Variants in AGO2 observed in about 807,000 individuals in gnomAD.
The protein encoded by AGO2 is argonaute RISC catalytic component 2, also known as protein argonaute-2.
Under a neutral mutation model 102.3 loss-of-function variants are expected in AGO2, and 5 were observed. That is an observed-to-expected ratio of 0.05 (90% CI 0.03 to 0.10). AGO2 has a LOEUF of 0.10. AGO2 is among the 10% of genes least tolerant of loss of function. The pLI is 1.00. For synonymous variants in AGO2, 449 were observed against 473.1 expected (o/e 0.95, Z 0.66); for missense variants, 541 against 1,183.7 (o/e 0.46, Z 7.97).
In AGO2 at chr8:140,589,329, C is replaced by T. The variant is rs999636008; in HGVS notation, c.23-4018G>A. Among the ~76,000 whole-genome samples, 15 of 152,158 alleles carry T rather than the reference C, an allele frequency of 9.9e-5. No homozygotes were observed. The highest frequency in any genetic ancestry group is 1.8e-4 in the Non-Finnish European group (12 of 68,032). ...AAATAAATGAATAGCCCAGCTCTTC[C>T]GTGAAGCCGCTTTGGCTACCGGCGG... is the stretch of plus-strand genomic sequence containing the variant. On this transcript the variant is annotated intron_variant, in intron 1 of 18. Coordinates refer to ENST00000220592, the MANE Select transcript of AGO2 (RefSeq NM_012154.5). The surrounding 1 kb of genome is among the most constrained non-coding windows in gnomAD (Gnocchi z 4.2).
At chr8:140,561,757 CTGGGGTTTGTCACTG>C (rs1346935765) in intron 4 of AGO2, among the ~76,000 whole-genome samples, 5 of 152,218 alleles carry the variant, frequency 3.3e-5, no homozygotes, top group African/African-American at 1.2e-4. Flanking sequence ...TTGGTCAGTC[CTGGGGTTTGTCACTG>C]TGGGGTTTGT....
At chr8:140,556,083 G>C (rs948755209) in intron 9 of AGO2, 65 bp from the exon 10 acceptor site, 2 of 1,610,966 alleles carry the variant, frequency 1.2e-6, no homozygotes, top group Non-Finnish European at 1.7e-6. Context: ...TAGCAGCTGC[G>C]TCCGTTCCAA....
chr8:140,556,037 A>C lies in AGO2; in HGVS notation c.1147-19T>G. ...TTCGCATCTGGCAAAGGGAAACAAG[A>C]AAACGCACGGAGTGGGTGGAGGCCT... On this transcript the variant is annotated intron_variant, in intron 9 of 18. Transcript: ENST00000220592. 2 of 1,613,950 alleles carry C rather than the reference A, an allele frequency of 1.2e-6. No homozygotes were observed. The highest frequency in any genetic ancestry group is 1.7e-6 in the Non-Finnish European group (2 of 1,179,832).
intron 14 of AGO2, among the ~76,000 whole-genome samples, chr8:140,543,134 C>CAA (rs200189809): frequency 2.0e-5 from 3 of 147,180 alleles, no homozygotes; most frequent in African/African-American, 7.5e-5. Context: ...CTCTGTCTCA[C>CAA]AAAACAAAAC....
intron 1 of AGO2, among the ~76,000 whole-genome samples, chr8:140,609,972 T>C (rs373075781): frequency 1.4e-5 from 2 of 146,482 alleles, no homozygotes; most frequent in African/African-American, 5.1e-5. Context: ...GGCAGGATGA[T>C]GGTTTGAGCC....
chr8:140,559,756 C>G (rs113012612), intron 5 of AGO2, among the ~76,000 whole-genome samples: 1 of 152,220 alleles, frequency 6.6e-6, no homozygotes, highest in African/African-American at 2.4e-5. Flanking sequence ...CAGAAAGGAG[C>G]TGGCTGATTA....
chr8:140,612,368 C>T (rs1046820468), intron 1 of AGO2, among the ~76,000 whole-genome samples: 7 of 151,850 alleles, frequency 4.6e-5, no homozygotes, highest in African/African-American at 1.7e-4. Flanking sequence ...TAGTGTGTTC[C>T]AAATGCCTGG....
chr8:140,576,517 G>A (rs971758252), intron 2 of AGO2, among the ~76,000 whole-genome samples: 1 of 152,276 alleles, frequency 6.6e-6, no homozygotes, highest in African/African-American at 2.4e-5. Flanking sequence ...CAAATGGCGG[G>A]TAAGCACATC....
chr8:140,556,049 G>A (rs1451981580), intron 9 of AGO2, 31 bp from the exon 10 acceptor site: 1 of 1,613,036 alleles, frequency 6.2e-7, no homozygotes, highest in Non-Finnish European at 8.5e-7. Flanking sequence ...AACGCACGGA[G>A]TGGGTGGAGG....
In AGO2 at chr8:140,631,840, C is replaced by T. The variant is rs374259869; in HGVS notation, c.22+3645G>A. 4.6e-5 allele frequency among the ~76,000 whole-genome samples: 7 copies of T among 152,154 alleles called. No homozygotes were observed. The South Asian group carries it at 1.4e-3, about 31-fold the overall frequency. Reference sequence around the variant, plus strand: ...CAGGTCTGCAATTCACTTTGGAAAACGTCCACAAAGAAAAGGGGCATATTT... The same window carrying T: ...CAGGTCTGCAATTCACTTTGGAAAATGTCCACAAAGAAAAGGGGCATATTT... On this transcript the variant is annotated intron_variant, in intron 1 of 18. Coordinates refer to ENST00000220592, the MANE Select transcript of AGO2 (RefSeq NM_012154.5).
In AGO2 at chr8:140,532,422, T is replaced by G. The variant is rs1484704955; in HGVS notation, c.2465A>C (p.His822Pro). Residue 822 changes from histidine (H) to proline (P), a missense_variant, in exon 18 of 19, where the codon CAT (histidine) becomes CCT (proline). Physicochemically the swap from His to Pro is moderately conservative, Grantham distance 77. Coordinates refer to ENST00000220592, the MANE Select transcript of AGO2 (RefSeq NM_012154.5). ...AGCCAGGCATGCCACTCACCTGTCA[T>G]GTTCCTTATCCACCAGGTGGTACCT... is the stretch of plus-strand genomic sequence containing the variant. ...RARYHLVDKE[H>P]DSAEGSHTSG... is the part of the protein sequence containing the mutation. 1.2e-6 allele frequency: 2 copies of G among 1,613,170 alleles called. No individual in the cohort carries two copies. Among genetic ancestry groups the G allele is most frequent in the Non-Finnish European group, 8.5e-7 (1 of 1,179,744 alleles).
At position 140,629,485 on chromosome 8, in the gene AGO2, C is replaced by T. The variant is rs577932877; in HGVS notation, c.22+6000G>A. 2.0e-5 allele frequency among the ~76,000 whole-genome samples: 3 copies of T among 152,250 alleles called. No individual in the cohort carries two copies. The South Asian group carries it at 6.2e-4, about 32-fold the overall frequency. On this transcript the variant is annotated intron_variant, in intron 1 of 18. Coordinates refer to ENST00000220592, the MANE Select transcript of AGO2 (RefSeq NM_012154.5). ...AAAACTGAGACCACACGAGGAGATG[C>T]GGACGGGGCTGCAGTTCTGACCAGA...
intron 1 of AGO2, among the ~76,000 whole-genome samples, chr8:140,627,574 G>GT (rs2074293130): frequency 6.6e-6 from 1 of 152,188 alleles, no homozygotes; most frequent in Non-Finnish European, 1.5e-5. Flanking sequence ...GTCAATTACA[G>GT]TAAGAGATTC....
upstream of AGO2, among the ~76,000 whole-genome samples, chr8:140,639,170 GTTTT>G (rs1156844223): frequency 6.6e-6 from 1 of 152,058 alleles, no homozygotes; most frequent in African/African-American, 2.4e-5. Flanking sequence ...GCCCAGACTG[GTTTT>G]TTGTTTTGTT....
intron 12 of AGO2, 132 bp from the exon 13 acceptor site, chr8:140,547,759 G>C: frequency 7.8e-7 from 1 of 1,288,130 alleles, no homozygotes; most frequent in Non-Finnish European, 1.0e-6. Context: ...TGAGCTTTGC[G>C]TGTCCCCCTC....
upstream of AGO2, among the ~76,000 whole-genome samples, chr8:140,636,045 G>C (rs1466244560): frequency 6.6e-6 from 1 of 151,004 alleles, no homozygotes; most frequent in Non-Finnish European, 1.5e-5. Context: ...GAGGCCACGC[G>C]CCCCCGCTTT....
intron 1 of AGO2, among the ~76,000 whole-genome samples, chr8:140,625,809 A>G (rs570743909): frequency 6.6e-6 from 1 of 152,282 alleles, no homozygotes; most frequent in Admixed American, 6.5e-5. Context: ...TCCTCAGGGG[A>G]GCTGCACAGA....
chr8:140,617,926 C>T (rs1022289471), intron 1 of AGO2, among the ~76,000 whole-genome samples: 2 of 151,880 alleles, frequency 1.3e-5, no homozygotes, highest in African/African-American at 2.4e-5. Flanking sequence ...CAGGATTGCT[C>T]GAGCCTGGGA....
chr8:140,566,136 C>T (rs932808146), intron 3 of AGO2, among the ~76,000 whole-genome samples: 19 of 152,258 alleles, frequency 1.2e-4, no homozygotes, highest in African/African-American at 4.3e-4. Flanking sequence ...AATTGTATCT[C>T]CTAGAATTCC....
Sources: allele counts gnomAD v4.1 joint callset (sites outside exome capture counted in the v4.1 genomes callset), GRCh38; gene constraint gnomAD v4.1.1; non-coding constraint Gnocchi (gnomAD v3.1); transcripts MANE v1.5; gene names NCBI Gene and HGNC (gene_info 2026-07-23, HGNC 2026-07-21).